HVCN1: variants seen among roughly 807,000 people sequenced by gnomAD.
The protein encoded by HVCN1 is voltage-gated hydrogen channel 1.
Under a neutral mutation model 29.2 loss-of-function variants are expected in HVCN1, and 14 were observed. The observed-to-expected ratio is 0.48, with a 90% CI of 0.32 to 0.75. The LOEUF (loss-of-function observed/expected upper bound fraction) is 0.75. Among genes scored for constraint, HVCN1 ranks in the 30% least tolerant of loss-of-function variants. The pLI, the probability that HVCN1 is intolerant of heterozygous loss-of-function variation, is 0.04. For missense variants in HVCN1, 263 were observed against 341.8 expected, an observed-to-expected ratio of 0.77 and a Z score of 1.82; for synonymous variants, 131 against 133.2, an observed-to-expected ratio of 0.98 and a Z score of 0.11.
chr12:110,658,775 A>T lies in HVCN1; in HGVS notation c.306+2389T>A, dbSNP rs1415959404. Among the ~76,000 whole-genome samples, 1 of 152,206 alleles carries T rather than the reference A, an allele frequency of 6.6e-6. No individual in the cohort carries two copies. Among genetic ancestry groups the T allele is most frequent in the Non-Finnish European group, 1.5e-5 (1 of 68,040 alleles). On this transcript the variant is annotated intron_variant, in intron 4 of 7. Coordinates refer to ENST00000242607, the MANE Select transcript of HVCN1 (RefSeq NM_032369.4). This position sits in a 1 kb window ranked among gnomAD's most constrained non-coding sequence, Gnocchi z 5.0. ...AGCCTGCCAAATCCTCAATGAGGGC[A>T]AAGATGTGTCTGCCACATTTGTCAC...
At chr12:110,682,408 A>G (rs544698480) in intron 3 of HVCN1, among the ~76,000 whole-genome samples, 1 of 152,254 alleles carries the variant, frequency 6.6e-6, no homozygotes, top group East Asian at 1.9e-4. Context: ...CATGTTGACC[A>G]GGCTCATCTT....
upstream of HVCN1, among the ~76,000 whole-genome samples, chr12:110,690,396 T>C (rs911117463): frequency 6.6e-6 from 1 of 152,140 alleles, no homozygotes; most frequent in Admixed American, 6.5e-5. Context: ...GGTAGGGGGG[T>C]GCATTCTTCT....
At chr12:110,668,625 G>A (rs1397510946) in intron 3 of HVCN1, among the ~76,000 whole-genome samples, 1 of 152,156 alleles carries the variant, frequency 6.6e-6, no homozygotes, top group Non-Finnish European at 1.5e-5. Flanking sequence ...TACATGAGCT[G>A]ATACAGCCGC....
At chr12:110,668,838 C>A (rs546642734) in intron 3 of HVCN1, among the ~76,000 whole-genome samples, 8 of 152,260 alleles carry the variant, frequency 5.3e-5, no homozygotes, top group Admixed American at 3.9e-4. Context: ...CCTGACGGTC[C>A]CACACTCTTT....
chr12:110,670,863 G>C (rs1479998381), intron 3 of HVCN1, among the ~76,000 whole-genome samples: 1 of 152,118 alleles, frequency 6.6e-6, no homozygotes, highest in East Asian at 1.9e-4. Context: ...TGGATTTAGG[G>C]TGGGCCCTAA....
chr12:110,652,793 T>A lies in HVCN1; in HGVS notation c.412-1345A>T, dbSNP rs150853418. Among the ~76,000 whole-genome samples the A allele has an allele frequency of 7.1e-3, 1,079 of 152,286 alleles. 1 individual carries two copies. Among genetic ancestry groups the A allele is most frequent in the Non-Finnish European group, 9.4e-3 (641 of 68,024 alleles). On this transcript the variant is annotated intron_variant, in intron 5 of 7. Transcript: ENST00000242607. The stretch of plus-strand genomic sequence containing the variant: ...AGTGTAGTCACTGACTCAGGCAAGT[T>A]TCACCAACAGATGCCAACTGGGGAA...
At chr12:110,660,817 C>T (rs2068143918) in intron 4 of HVCN1, among the ~76,000 whole-genome samples, 1 of 152,206 alleles carries the variant, frequency 6.6e-6, no homozygotes, top group South Asian at 2.1e-4. Context: ...TTCTTTCCCT[C>T]AGCACCATGT....
chr12:110,655,283 A>G lies in HVCN1; in HGVS notation c.362T>C (p.Ile121Thr), dbSNP rs767823856. Residue 121 changes from isoleucine (I) to threonine (T), a missense_variant, in exon 5 of 8, where the codon ATC becomes ACC. Physicochemically the swap from Ile to Thr is moderately conservative, Grantham distance 89. This residue lies in a region of HVCN1 where 157 missense variants were observed against 181.3 expected (regional missense o/e 0.87). Transcript: ENST00000242607. ...GGGCTGGATGATCTTCAGGTCCAGGATGAGCTCAGCAAGCACCAGGAGGGC... is the reference window on the plus strand; with the variant it reads ...GGGCTGGATGATCTTCAGGTCCAGGGTGAGCTCAGCAAGCACCAGGAGGGC... ...LDALLVLAELILDLKIIQPDK... is the reference protein window; with the variant it reads ...LDALLVLAELTLDLKIIQPDK... 3.1e-6 allele frequency: 5 copies of G among 1,613,854 alleles called. No homozygotes were observed. In the South Asian group the frequency reaches 5.5e-5, roughly 18 times the overall value.
intron 4 of HVCN1, among the ~76,000 whole-genome samples, chr12:110,656,524 A>C (rs2067996302): frequency 7.9e-5 from 12 of 152,094 alleles, no homozygotes; most frequent in Admixed American, 7.9e-4. Context: ...AGGAGCCCCA[A>C]AGGACCTCGA....
Position 110,661,293 on chromosome 12 carries a change from G to T in HVCN1, c.177C>A (p.Pro59=), listed in dbSNP as rs2068161024. The T allele has an allele frequency of 6.2e-7, 1 of 1,614,042 alleles. No individual in the cohort carries two copies. Among genetic ancestry groups the T allele is most frequent in the Non-Finnish European group, 8.5e-7 (1 of 1,180,034 alleles). Residue 59 remains proline, a synonymous_variant, in exon 4 of 8, where the codon CCC becomes CCA. Transcript: ENST00000242607. The surrounding 1 kb of genome is among the most constrained non-coding windows in gnomAD (Gnocchi z 6.2). ...EEEEEEEQPP[P]TPVSGEEGRA... is the part of the protein sequence containing the mutation. ...TGCCTTCCTCGCCTGAGACTGGTGTGGGTGGTGGCTGCTCCTCCTCCTCCT... is the reference window on the plus strand; with the variant it reads ...TGCCTTCCTCGCCTGAGACTGGTGTTGGTGGTGGCTGCTCCTCCTCCTCCT...
rs188674517 is a variant in HVCN1, at chr12:110,673,043, G to A, written c.21+10182C>T. ...GAACCAACTTTGGAACTGGGTATCA[G>A]GCAGAGTCTGGAATAGTTTGGAGGG... On this transcript the variant is annotated intron_variant, in intron 3 of 7. Transcript: ENST00000242607. 2.6e-5 allele frequency among the ~76,000 whole-genome samples: 4 copies of A among 152,300 alleles called. No homozygotes were observed. The East Asian group carries it at 7.7e-4, about 29-fold the overall frequency.
chr12:110,679,139 C>T (rs528245242), intron 3 of HVCN1, among the ~76,000 whole-genome samples: 2 of 152,270 alleles, frequency 1.3e-5, no homozygotes, highest in African/African-American at 4.8e-5. Context: ...ATGTTGGAAT[C>T]ACCTGGCAGC....
rs375924285 is a variant in HVCN1 at position 110,694,916 on chromosome 12, G to A, written c.-103-6208C>T. 6.6e-6 allele frequency among the ~76,000 whole-genome samples: 1 copy of A among 152,204 alleles called. No individual in the cohort carries two copies. The highest frequency in any genetic ancestry group is 1.5e-5 in the Non-Finnish European group (1 of 68,046). ...CAGGCATTGCATCAAAGAGGCCTGG[G>A]TGTAAATCCTGCCTCAATGGTTTCC... On this transcript the variant is annotated intron_variant, in intron 2 of 4. Transcript: ENST00000546713. This position sits in a 1 kb window ranked among gnomAD's most constrained non-coding sequence, Gnocchi z 4.6.
chr12:110,695,455 C>G (rs1408125185), intron 2 of HVCN1, among the ~76,000 whole-genome samples: 1 of 152,006 alleles, frequency 6.6e-6, no homozygotes, highest in Non-Finnish European at 1.5e-5. Context: ...ACTCAGGAGG[C>G]TGAGGCCAGA....
In HVCN1 at chr12:110,649,446, TA is replaced by T. The variant is rs780747069; in HGVS notation, c.785del (p.Leu262HisfsTer11). The T allele has an allele frequency of 5.6e-6, 9 of 1,608,332 alleles. No homozygotes were observed. The South Asian group carries it at 1.0e-4, about 18-fold the overall frequency. On this transcript the variant is annotated frameshift_variant, in exon 8 of 8. Coordinates refer to ENST00000242607, the MANE Select transcript of HVCN1 (RefSeq NM_032369.4). LOFTEE classifies it high-confidence loss of function. ...CACCAAGAAGTCCATGCTGTCGCAA[TA>T]GTTTGTTAAGTCTTTCAATTTCTTG... is the stretch of plus-strand genomic sequence containing the variant. ...KEQEIERLNK[L>X]LRQHGLLGEV...
At chr12:110,697,375 A>G (rs758074445) in intron 2 of HVCN1, among the ~76,000 whole-genome samples, 2 of 152,138 alleles carry the variant, frequency 1.3e-5, no homozygotes, top group Non-Finnish European at 1.5e-5. Flanking sequence ...AGGTAGAAGG[A>G]AAAACCAAGG....
At chr12:110,650,386 A>G (rs2067747773) in intron 6 of HVCN1, 106 bp from the exon 7 acceptor site, 1 of 667,060 alleles carries the variant, frequency 1.5e-6, no homozygotes, top group Non-Finnish European at 2.7e-6. Context: ...GTGGTGACAG[A>G]CACGCGAGAC....
rs775297243 is a variant in HVCN1 at position 110,661,435 on chromosome 12, C to G, written c.35G>C (p.Arg12Thr). 2 of 1,613,988 alleles carry G rather than the reference C, an allele frequency of 1.2e-6. No homozygotes were observed. The highest frequency in any genetic ancestry group is 3.3e-5 in the Admixed American group (2 of 60,020). Residue 12 changes from arginine (R) to threonine (T), a missense_variant, in exon 4 of 8, where the codon AGG (arginine) becomes ACG (threonine). By Grantham distance (71) the Arg-to-Thr change is moderately conservative (BLOSUM62 -1). Around this residue, in one of 3 missense-constraint regions of HVCN1, gnomAD observed 157 missense variants for 181.3 expected, o/e 0.87. Coordinates refer to ENST00000242607, the MANE Select transcript of HVCN1 (RefSeq NM_032369.4). This position sits in a 1 kb window ranked among gnomAD's most constrained non-coding sequence, Gnocchi z 6.2. ...ATWDEKAVTR[R>T]AKVAPAERMS... The stretch of plus-strand genomic sequence containing the variant: ...CCTCTCAGCGGGAGCCACCTTGGCC[C>G]TGCGGGTGACTGCCTAGAAGGCGGG...
intron 3 of HVCN1, among the ~76,000 whole-genome samples, chr12:110,665,439 C>G (rs1370396963): frequency 6.6e-6 from 1 of 151,620 alleles, no homozygotes; most frequent in African/African-American, 2.4e-5. Context: ...TTCTGTAATC[C>G]CAGCTACTTG....
Sources: allele counts gnomAD v4.1 joint callset (sites outside exome capture counted in the v4.1 genomes callset), GRCh38; gene constraint gnomAD v4.1.1; regional missense constraint gnomAD v4.1.1; non-coding constraint Gnocchi (gnomAD v3.1); transcripts MANE v1.5; gene names NCBI Gene and HGNC (gene_info 2026-07-23, HGNC 2026-07-21).